The following MARK3 variants were observed in gnomAD, a reference collection of about 807,000 sequenced individuals.
The protein encoded by MARK3 is MAP/microtubule affinity-regulating kinase 3.
MARK3 carries 46 observed loss-of-function variants against 90.1 expected under a neutral mutation model. The observed-to-expected ratio is 0.51, with a 90% confidence interval of 0.40 to 0.65. The LOEUF (loss-of-function observed/expected upper bound fraction) is 0.65. Among genes scored for constraint, MARK3 ranks in the 30% least tolerant of loss-of-function variants. The probability of loss-of-function intolerance (pLI) is 0.00; values close to 1 mark genes in which losing one functional copy is unlikely to be tolerated. For missense variants in MARK3, 818 were observed against 947.2 expected, an observed-to-expected ratio of 0.86 and a Z score of 1.79; for synonymous variants, 321 against 332.6, an observed-to-expected ratio of 0.97 and a Z score of 0.38.
intron 5 of MARK3, 96 bp downstream of exon 5, chr14:103,452,079 A>G: frequency 2.5e-6 from 2 of 790,948 alleles, no homozygotes; most frequent in Non-Finnish European, 4.1e-6. Flanking sequence ...TTAAGGTCTC[A>G]TTTAACGTCC....
At chr14:103,401,354 A>G (rs1273593334) in intron 1 of MARK3, among the ~76,000 whole-genome samples, 1 of 152,144 alleles carries the variant, frequency 6.6e-6, no homozygotes, top group African/African-American at 2.4e-5. Flanking sequence ...TCTGCTTTCT[A>G]TTATGATTGT....
chr14:103,468,318 T>C (rs1176099117), intron 12 of MARK3, 132 bp downstream of exon 12: 38,584 of 240,280 alleles, frequency 0.16, 8,183 homozygotes, highest in Admixed American at 0.24. Flanking sequence ...TTTCTTCTTT[T>C]TTTTTTTTTT....
At chr14:103,434,038 CT>C (rs1156501187) in intron 3 of MARK3, among the ~76,000 whole-genome samples, 2 of 152,028 alleles carry the variant, frequency 1.3e-5, no homozygotes, top group Non-Finnish European at 2.9e-5. Context: ...TCGTGTGTTT[CT>C]TTTGAGTTTT....
At chr14:103,462,513 C>T in intron 7 of MARK3, 52 bp downstream of exon 7, 1 of 1,368,114 alleles carries the variant, frequency 7.3e-7, no homozygotes, top group African/African-American at 1.4e-5. Context: ...GTGTGCAGTT[C>T]TCTCAGTGGT....
At chr14:103,486,817 T>C (rs17680085) in intron 14 of MARK3, among the ~76,000 whole-genome samples, 43,534 of 152,110 alleles carry the variant, frequency 0.29, 7,317 homozygotes, top group Non-Finnish European at 0.36. Flanking sequence ...AAATATTTTG[T>C]TGCTTGCTTT....
chr14:103,453,117 T>C (rs1014576058), intron 5 of MARK3, among the ~76,000 whole-genome samples: 2 of 152,244 alleles, frequency 1.3e-5, no homozygotes, highest in African/African-American at 4.8e-5. Flanking sequence ...TATTTGCCTA[T>C]GGTTTTGTAA....
chr14:103,455,484 T>C lies in MARK3; in HGVS notation c.413-1658T>C, dbSNP rs531252863. ...GCTCACGCGTGTAATCCCAGCACTT[T>C]GGGAGGCCAAGACGGGCAGATCACT... On this transcript the variant is annotated intron_variant, in intron 5 of 17. Transcript: ENST00000429436. Among the ~76,000 whole-genome samples, 27 of 152,254 alleles carry C rather than the reference T, an allele frequency of 1.8e-4. 1 individual carries two copies. In the South Asian group the frequency reaches 5.6e-3, roughly 32 times the overall value.
intron 14 of MARK3, among the ~76,000 whole-genome samples, chr14:103,481,835 C>T (rs556584804): frequency 8.2e-6 from 1 of 122,438 alleles, no homozygotes; most frequent in African/African-American, 3.0e-5. Context: ...GGCCTGATCT[C>T]GGCTCACTGC....
At position 103,478,085 on chromosome 14, in the gene MARK3, A is replaced by G. The variant is rs189417123; in HGVS notation, c.1483-2302A>G. On this transcript the variant is annotated intron_variant, in intron 13 of 17. Transcript: ENST00000429436. The stretch of plus-strand genomic sequence containing the variant: ...GCTGAAGTGGGCAGATCACAAGGTC[A>G]GGCGTTCAAGACCAGCCTGGCCATC... 1.3e-3 allele frequency among the ~76,000 whole-genome samples: 199 copies of G among 151,770 alleles called. 4 individuals carry two copies. The highest frequency in any genetic ancestry group is 6.2e-4 in the Non-Finnish European group (42 of 67,956).
chr14:103,492,266 T>C (rs1428757052), intron 15 of MARK3, among the ~76,000 whole-genome samples: 1 of 152,172 alleles, frequency 6.6e-6, no homozygotes, highest in Non-Finnish European at 1.5e-5. Flanking sequence ...AGGTTTTTGT[T>C]ACTGTTCTTT....
At chr14:103,387,470 ATTTATTTG>A (rs1246845334) in intron 1 of MARK3, among the ~76,000 whole-genome samples, 15 of 135,028 alleles carry the variant, frequency 1.1e-4, no homozygotes, top group Admixed American at 2.3e-4. Flanking sequence ...AAGAAACCTT[ATTTATTTG>A]TTTATTTATT....
At chr14:103,498,804 GTCT>G in intron 16 of MARK3, 1 of 215,310 alleles carries the variant, frequency 4.6e-6, no homozygotes, top group South Asian at 1.6e-4. Flanking sequence ...AAATAATTCT[GTCT>G]TCATACTAAT....
intron 1 of MARK3, among the ~76,000 whole-genome samples, chr14:103,400,587 A>G (rs142504778): frequency 6.6e-6 from 1 of 152,328 alleles, no homozygotes; most frequent in East Asian, 1.9e-4. Flanking sequence ...CATTATGTGC[A>G]TAGTCTGCCA....
chr14:103,487,339 T>A (rs527370660), intron 14 of MARK3, among the ~76,000 whole-genome samples: 31 of 151,916 alleles, frequency 2.0e-4, no homozygotes, highest in African/African-American at 7.0e-4. Flanking sequence ...TTTTTTTTTT[T>A]AATTTATAAT....
chr14:103,393,886 C>A (rs1406592226), intron 1 of MARK3, among the ~76,000 whole-genome samples: 1 of 152,078 alleles, frequency 6.6e-6, no homozygotes, highest in Non-Finnish European at 1.5e-5. Flanking sequence ...GCACACACCA[C>A]CATGCCCAGC....
intron 7 of MARK3, 150 bp from the exon 8 acceptor site, chr14:103,465,407 C>T: frequency 1.6e-6 from 1 of 611,628 alleles, no homozygotes. Flanking sequence ...TGACTTGTCT[C>T]CTGTTTTTTT....
intron 3 of MARK3, among the ~76,000 whole-genome samples, chr14:103,435,924 T>A (rs1184989819): frequency 1.3e-5 from 2 of 152,002 alleles, no homozygotes; most frequent in African/African-American, 4.8e-5. Flanking sequence ...GGAGTCTCCC[T>A]CTGTTGGCCA....
chr14:103,425,564 T>G (rs2092377241), intron 2 of MARK3, among the ~76,000 whole-genome samples: 1 of 152,202 alleles, frequency 6.6e-6, no homozygotes, highest in South Asian at 2.1e-4. Context: ...GACAACTCAG[T>G]ATTTATTGAG....
chr14:103,457,303 A>G (rs1205313260), intron 6 of MARK3, 91 bp downstream of exon 6: 4 of 943,318 alleles, frequency 4.2e-6, no homozygotes, highest in Non-Finnish European at 6.7e-6. Context: ...ATAAATGCTT[A>G]TAAGGCCTGT....
Sources: allele counts gnomAD v4.1 joint callset (sites outside exome capture counted in the v4.1 genomes callset), GRCh38; gene constraint gnomAD v4.1.1; transcripts MANE v1.5; gene names NCBI Gene and HGNC (gene_info 2026-07-23, HGNC 2026-07-21).